The following ORMDL1 variants were observed in gnomAD, a reference collection of about 807,000 sequenced individuals.
ORMDL1 encodes ORMDL sphingolipid biosynthesis regulator 1, also known as ORM1-like protein 1.
Under a neutral mutation model 13.0 loss-of-function variants are expected in ORMDL1, and 10 were observed. The observed-to-expected ratio is 0.77, with a 90% CI of 0.47 to 1.30. The LOEUF (loss-of-function observed/expected upper bound fraction) is 1.30. ORMDL1 is among the 50% of genes most tolerant of loss of function. The pLI is 0.00. For missense variants in ORMDL1, 171 were observed against 186.7 expected (o/e 0.92, Z 0.49); for synonymous variants, 61 against 63.9 (o/e 0.95, Z 0.22).
rs766956347 is a variant in ORMDL1 at position 189,771,879 on chromosome 2, G to T, written c.350C>A (p.Thr117Lys). The change falls in exon 5 of 5, where the codon ACG (threonine) becomes AAG (lysine). Residue 117 changes from threonine (T) to lysine (K), a missense_variant. Transcript: ENST00000392349. ...IILYFLASFY[T>K]KYDPTHFILN... ...GATGAAGTGAGTTGGATCATACTTC[G>T]TATAGAAACTTGCCAGAAAATATCT... is the stretch of plus-strand genomic sequence containing the variant. The T allele has an allele frequency of 1.3e-6, 2 of 1,595,036 alleles. No individual in the cohort carries two copies. The highest frequency in any genetic ancestry group is 2.7e-5 in the African/African-American group (2 of 73,992).
downstream of ORMDL1, among the ~76,000 whole-genome samples, chr2:189,769,621 G>A (rs774947320): frequency 1.3e-5 from 2 of 152,076 alleles, no homozygotes; most frequent in Non-Finnish European, 2.9e-5. Flanking sequence ...GCTCCTAATG[G>A]TCAAAGCTGG....
At chr2:189,775,500 A>G in intron 4 of ORMDL1, 65 bp downstream of exon 4, 1 of 1,456,980 alleles carries the variant, frequency 6.9e-7, no homozygotes, top group East Asian at 2.4e-5. Context: ...TTCCAATTCA[A>G]TCTGATGAAA....
chr2:189,781,358 C>T (rs2047824578), intron 3 of ORMDL1, among the ~76,000 whole-genome samples: 1 of 152,088 alleles, frequency 6.6e-6, no homozygotes, highest in Admixed American at 6.5e-5. Context: ...AACTGTATTT[C>T]CTCCTTTTCA....
rs2047553097 is a variant in ORMDL1 at position 189,770,382 on chromosome 2, A to G, written c.*1385T>C. On this transcript the variant is annotated 3_prime_UTR_variant, in exon 5 of 5. Coordinates refer to ENST00000392349, the MANE Select transcript of ORMDL1 (RefSeq NM_016467.5). The stretch of plus-strand genomic sequence containing the variant: ...TAGATCACCAGTTATTTAAAAATAC[A>G]CGGGAAAAGACAGACATACAAAGGT... 1 of 152,190 alleles carries G rather than the reference A, an allele frequency of 6.6e-6. No homozygotes were observed. Among genetic ancestry groups the G allele is most frequent in the Non-Finnish European group, 1.5e-5 (1 of 68,026 alleles). 9.4% of individuals were successfully genotyped at this position (152,190 alleles called of 1,614,324 possible).
intron 3 of ORMDL1, chr2:189,778,443 C>T (rs112420344): frequency 2.4e-5 from 11 of 455,484 alleles, no homozygotes; most frequent in South Asian, 6.2e-5. Flanking sequence ...ACGTTCTTAG[C>T]GATACAAAAA....
chr2:189,782,330 A>T, intron 3 of ORMDL1, 92 bp downstream of exon 3: 1 of 1,181,556 alleles, frequency 8.5e-7, no homozygotes, highest in Non-Finnish European at 1.2e-6. Flanking sequence ...TGTACCCATT[A>T]AGCAATAACT....
chr2:189,769,823 T>C (rs1225106), downstream of ORMDL1, among the ~76,000 whole-genome samples: 149,476 of 152,312 alleles, frequency 0.98, 73,407 homozygotes, highest in South Asian at 1. Context: ...TAGTAATTGC[T>C]GCAAGAAAGA....
rs2047550009 is a variant in ORMDL1, at chr2:189,770,274, GA to G, written c.*1492del. 6.6e-6 allele frequency: 1 copy of G among 152,080 alleles called. No homozygotes were observed. Among genetic ancestry groups the G allele is most frequent in the Non-Finnish European group, 1.5e-5 (1 of 67,976 alleles). 9.4% of individuals were successfully genotyped at this position (152,080 alleles called of 1,614,324 possible). On this transcript the variant is annotated 3_prime_UTR_variant, in exon 5 of 5. Transcript: ENST00000392349. Reference sequence around the variant, plus strand: ...AATTCAGTTGCTTAAAAATAAACTTGAAAAATGTCATTTTAATTTTGATGAC... The same window carrying G: ...AATTCAGTTGCTTAAAAATAAACTTGAAAATGTCATTTTAATTTTGATGAC...
chr2:189,783,369 G>C (rs1245113694), intron 1 of ORMDL1: 1 of 152,300 alleles, frequency 6.6e-6, no homozygotes, highest in Middle Eastern at 3.4e-3. Context: ...TTGAGACTAA[G>C]AATTGCTTAA....
downstream of ORMDL1, chr2:189,770,214 G>A (rs2047548507): frequency 1.3e-5 from 2 of 152,202 alleles, no homozygotes; most frequent in South Asian, 4.1e-4. Flanking sequence ...TTAAAATAAA[G>A]AAAAATGAAT....
chr2:189,774,373 C>G (rs1241334133), intron 4 of ORMDL1, among the ~76,000 whole-genome samples: 3 of 152,158 alleles, frequency 2.0e-5, no homozygotes, highest in Non-Finnish European at 2.9e-5. Flanking sequence ...AAAATTTCCT[C>G]AAAGGGCTAT....
At chr2:189,780,345 A>AT (rs1290625959) in intron 3 of ORMDL1, among the ~76,000 whole-genome samples, 1 of 152,208 alleles carries the variant, frequency 6.6e-6, no homozygotes, top group Non-Finnish European at 1.5e-5. Flanking sequence ...CTCAACCTGT[A>AT]TATTAATTGC....
At position 189,771,717 on chromosome 2, in the gene ORMDL1, C is replaced by A; in HGVS notation, c.*50G>T. 1 of 1,490,076 alleles carries A rather than the reference C, an allele frequency of 6.7e-7. No homozygotes were observed. Among genetic ancestry groups the A allele is most frequent in the South Asian group, 1.3e-5 (1 of 78,446 alleles). The allele number at this position is 1,490,076 out of a possible 1,614,324, so 92.3% of individuals were successfully genotyped here. On this transcript the variant is annotated 3_prime_UTR_variant, in exon 5 of 5. Transcript: ENST00000392349. ...AGTGCAGTTTACTAACCACTCCTTC[C>A]TTATAAGAAATTCAGTAGCTGTAAA...
chr2:189,764,250 T>C, the ORMDL1 span: 2 of 152,268 alleles, frequency 1.3e-5, no homozygotes, highest in East Asian at 3.8e-4. Flanking sequence ...ATTTCTGTTA[T>C]ACACTGGAAT....
chr2:189,765,839 A>ATTTTTTTT (rs72132150), downstream of ORMDL1, among the ~76,000 whole-genome samples: 2 of 106,750 alleles, frequency 1.9e-5, no homozygotes, highest in Non-Finnish European at 1.8e-5. Context: ...TACTTTCTCC[A>ATTTTTTTT]TTTTTTTTTT....
At chr2:189,781,487 C>T (rs1279249984) in intron 3 of ORMDL1, among the ~76,000 whole-genome samples, 7 of 152,040 alleles carry the variant, frequency 4.6e-5, no homozygotes, top group Admixed American at 3.3e-4. Flanking sequence ...AACTTTGATA[C>T]TCTGTAGAGC....
At chr2:189,768,468 C>T (rs1270661151), downstream of ORMDL1, among the ~76,000 whole-genome samples, 1 of 152,250 alleles carries the variant, frequency 6.6e-6, no homozygotes, top group East Asian at 1.9e-4. Flanking sequence ...AAATATACTG[C>T]ATGAAAATCA....
At chr2:189,780,976 C>T (rs1476874992) in intron 3 of ORMDL1, among the ~76,000 whole-genome samples, 3 of 152,116 alleles carry the variant, frequency 2.0e-5, no homozygotes, top group Admixed American at 1.3e-4. Flanking sequence ...TGCAGTGGCA[C>T]GATCTTGGCT....
chr2:189,769,258 A>C (rs1472348683), downstream of ORMDL1, among the ~76,000 whole-genome samples: 6 of 152,024 alleles, frequency 3.9e-5, no homozygotes, highest in African/African-American at 1.4e-4. Context: ...ATGGTGGTGC[A>C]CGCCCATAAT....
Sources: allele counts gnomAD v4.1 joint callset (sites outside exome capture counted in the v4.1 genomes callset), GRCh38; gene constraint gnomAD v4.1.1; transcripts MANE v1.5; gene names NCBI Gene and HGNC (gene_info 2026-07-23, HGNC 2026-07-21).